PACRG: variants seen among roughly 807,000 people sequenced by gnomAD.
PACRG encodes the protein parkin coregulated.
A neutral mutation model predicts 29.7 loss-of-function variants in PACRG; 29 were observed. That is an observed-to-expected ratio of 0.98 (90% CI 0.73 to 1.33). PACRG has a LOEUF of 1.33. Among genes scored for constraint, PACRG ranks in the 40% most tolerant of loss-of-function variants. The pLI is 0.00. For synonymous variants in PACRG, 116 were observed against 118.7 expected (o/e 0.98, Z 0.15); for missense variants, 279 against 316.2 (o/e 0.88, Z 0.89).
chr6:162,983,171 C>T (rs1275176310), intron 2 of PACRG, among the ~76,000 whole-genome samples: 2 of 152,050 alleles, frequency 1.3e-5, no homozygotes, highest in African/African-American at 2.4e-5. Context: ...ATTTTGCACT[C>T]CTTTCTCTAG....
chr6:163,311,728 A>G (rs564618006), intron 4 of PACRG, among the ~76,000 whole-genome samples: 3 of 152,170 alleles, frequency 2.0e-5, no homozygotes, highest in African/African-American at 7.2e-5. Flanking sequence ...AGCAACTCCT[A>G]TTGTGTTTTG....
In PACRG at chr6:163,015,247, A is replaced by G. The variant is rs565946709; in HGVS notation, c.292-46903A>G. 7.9e-5 allele frequency among the ~76,000 whole-genome samples: 12 copies of G among 152,172 alleles called. No individual in the cohort carries two copies. In the East Asian group the frequency reaches 2.3e-3, roughly 29 times the overall value. Reference sequence around the variant, plus strand: ...CCAGTAGCATGCTGTTTTTGTTACTATAGCCTTGCAGTATAGTTTGAGGTC... The same window carrying G: ...CCAGTAGCATGCTGTTTTTGTTACTGTAGCCTTGCAGTATAGTTTGAGGTC... On this transcript the variant is annotated intron_variant, in intron 2 of 4. Coordinates refer to ENST00000366888, the MANE Select transcript of PACRG (RefSeq NM_001080379.2).
rs376481330 is a variant in PACRG, at chr6:162,908,581, C to T, written c.291+94300C>T. ...CAACCTCAGTAGAGACAGGCCATTC[C>T]GAGACATTCCATGTCTCTGCTCTTT... On this transcript the variant is annotated intron_variant, in intron 2 of 4. Transcript: ENST00000366888. Among the ~76,000 whole-genome samples, 23 of 152,328 alleles carry T rather than the reference C, an allele frequency of 1.5e-4. 1 individual carries two copies. The South Asian group carries it at 3.3e-3, about 22-fold the overall frequency.
chr6:162,868,273 T>G (rs1792472580), intron 2 of PACRG, among the ~76,000 whole-genome samples: 1 of 151,010 alleles, frequency 6.6e-6, no homozygotes, highest in South Asian at 2.1e-4. Context: ...GCCGTGGTTT[T>G]AAATCCTGGC....
Position 163,282,712 on chromosome 6 carries a change from C to CAA in PACRG, c.614-32100_614-32099dup, listed in dbSNP as rs558182240. Among the ~76,000 whole-genome samples the CAA allele has an allele frequency of 2.8e-4, 26 of 91,268 alleles. No individual in the cohort carries two copies. In the South Asian group the frequency reaches 6.6e-3, roughly 23 times the overall value. The allele number at this position is 91,268 out of a possible 152,430, so 59.9% of individuals were successfully genotyped here. On this transcript the variant is annotated intron_variant, in intron 4 of 4. Transcript: ENST00000366888. Reference sequence around the variant, plus strand: ...GGGCAACAAGAGTGAAACTCCATCTCAAAAAAAAAAAAAAAAGAAAAGAAA... The same window carrying CAA: ...GGGCAACAAGAGTGAAACTCCATCTCAAAAAAAAAAAAAAAAAAGAAAAGAAA...
At chr6:163,227,360 T>G (rs1395655459) in intron 4 of PACRG, among the ~76,000 whole-genome samples, 1 of 152,300 alleles carries the variant, frequency 6.6e-6, no homozygotes, top group African/African-American at 2.4e-5. Context: ...CACCCAGCCA[T>G]GAGGCATCCA....
chr6:163,156,577 A>T (rs1778328293), intron 4 of PACRG, among the ~76,000 whole-genome samples: 1 of 152,060 alleles, frequency 6.6e-6, no homozygotes, highest in South Asian at 2.1e-4. Context: ...GTCCTCCCCA[A>T]GACATTTGTA....
At chr6:162,971,828 G>T (rs1431243909) in intron 2 of PACRG, among the ~76,000 whole-genome samples, 1 of 152,228 alleles carries the variant, frequency 6.6e-6, no homozygotes. Context: ...TGCAGAGGCA[G>T]CTCTTCCTTT....
At chr6:162,947,493 AC>A (rs1233859184) in intron 2 of PACRG, among the ~76,000 whole-genome samples, 1 of 123,488 alleles carries the variant, frequency 8.1e-6, no homozygotes, top group African/African-American at 3.1e-5. Context: ...TCATATATAT[AC>A]TCATATATAT....
At chr6:163,079,050 C>T (rs568105033) in intron 3 of PACRG, among the ~76,000 whole-genome samples, 46 of 152,232 alleles carry the variant, frequency 3.0e-4, no homozygotes, top group African/African-American at 1.1e-3. Flanking sequence ...TGTGTGATCT[C>T]AGGCCACCTG....
intron 2 of PACRG, among the ~76,000 whole-genome samples, chr6:162,995,028 G>A (rs1484449268): frequency 2.0e-5 from 3 of 151,070 alleles, no homozygotes; most frequent in Non-Finnish European, 4.4e-5. Flanking sequence ...CCCCTGCTGG[G>A]GGGTGCCTCC....
chr6:162,861,944 A>G (rs1347138324), intron 2 of PACRG, among the ~76,000 whole-genome samples: 1 of 152,120 alleles, frequency 6.6e-6, no homozygotes, highest in East Asian at 1.9e-4. Flanking sequence ...TTCTGTATCC[A>G]CTAGGGTCTG....
chr6:163,177,879 A>G (rs1156552401), intron 4 of PACRG, among the ~76,000 whole-genome samples: 1 of 151,878 alleles, frequency 6.6e-6, no homozygotes, highest in Non-Finnish European at 1.5e-5. Flanking sequence ...ATGCACCCCC[A>G]GGTGGGAACT....
At chr6:163,070,878 A>G in intron 3 of PACRG, among the ~76,000 whole-genome samples, 1 of 152,212 alleles carries the variant, frequency 6.6e-6, no homozygotes, top group Middle Eastern at 3.4e-3. Flanking sequence ...ATGCCAATGG[A>G]AACCAAAAAA....
intron 1 of PACRG, among the ~76,000 whole-genome samples, chr6:162,761,808 A>T (rs61150546): frequency 4.0e-5 from 6 of 151,574 alleles, no homozygotes; most frequent in Admixed American, 2.6e-4. Flanking sequence ...ATGGTGGTTC[A>T]CGCCTGTAAT....
intron 4 of PACRG, among the ~76,000 whole-genome samples, chr6:163,116,808 C>T (rs73786981): frequency 0.038 from 5,851 of 152,162 alleles, 390 homozygotes; most frequent in African/African-American, 0.13. Flanking sequence ...GAAGATGATT[C>T]AAAAATGACT....
At chr6:163,054,993 A>C (rs1257238681) in intron 2 of PACRG, among the ~76,000 whole-genome samples, 1 of 152,198 alleles carries the variant, frequency 6.6e-6, no homozygotes, top group Admixed American at 6.5e-5. Context: ...TCACCAGGTC[A>C]ATTGTGCTGT....
chr6:162,751,796 CTGCCATCTTAA>C (rs947012815), intron 1 of PACRG, among the ~76,000 whole-genome samples: 13 of 152,144 alleles, frequency 8.5e-5, no homozygotes, highest in African/African-American at 2.7e-4. Context: ...TTATAATTGT[CTGCCATCTTAA>C]ATGCCTATCA....
chr6:162,828,806 G>T (rs1364351091), intron 2 of PACRG, among the ~76,000 whole-genome samples: 1 of 152,162 alleles, frequency 6.6e-6, no homozygotes, highest in East Asian at 1.9e-4. Context: ...ATATCAAAAA[G>T]AATAAAGTGT....
Sources: allele counts gnomAD v4.1 joint callset (sites outside exome capture counted in the v4.1 genomes callset), GRCh38; gene constraint gnomAD v4.1.1; transcripts MANE v1.5; gene names NCBI Gene and HGNC (gene_info 2026-07-23, HGNC 2026-07-21).